CLSTN2: variants seen among roughly 807,000 people sequenced by gnomAD.
The protein encoded by CLSTN2 is calsyntenin-2.
CLSTN2 carries 48 observed loss-of-function variants against 101.2 expected under a neutral mutation model. The ratio of observed to expected loss-of-function variants is 0.47; its 90% confidence interval spans 0.38 to 0.60. CLSTN2 has a LOEUF of 0.60. CLSTN2 is among the 20% of genes least tolerant of loss of function. CLSTN2 has a pLI of 0.00. For missense variants in CLSTN2, 1,160 were observed against 1,238.2 expected (o/e 0.94, Z 0.95); for synonymous variants, 481 against 463.6 (o/e 1.04, Z -0.48).
intron 8 of CLSTN2, chr3:140,506,656 T>C (rs1338423975): frequency 6.7e-6 from 1 of 150,044 alleles, no homozygotes; most frequent in East Asian, 1.9e-4. Flanking sequence ...ACCTACCTCA[T>C]ACCTGGAGAT....
intron 1 of CLSTN2, among the ~76,000 whole-genome samples, chr3:140,133,259 C>G (rs1434114742): frequency 2.0e-5 from 3 of 152,098 alleles, no homozygotes; most frequent in Non-Finnish European, 4.4e-5. Context: ...TAGAGGGGAC[C>G]AAGCCATTCG....
intron 2 of CLSTN2, among the ~76,000 whole-genome samples, chr3:140,376,666 C>T (rs1184192076): frequency 6.6e-6 from 1 of 152,132 alleles, no homozygotes; most frequent in African/African-American, 2.4e-5. Context: ...GAGTTATATC[C>T]TAAATCCCAT....
intron 2 of CLSTN2, among the ~76,000 whole-genome samples, chr3:140,403,123 A>G (rs1471276961): frequency 6.6e-6 from 1 of 152,206 alleles, no homozygotes; most frequent in Non-Finnish European, 1.5e-5. Flanking sequence ...AAGGAGAGAA[A>G]TGCATTAATT....
At chr3:140,469,079 T>C (rs1198044829) in intron 8 of CLSTN2, among the ~76,000 whole-genome samples, 1 of 152,212 alleles carries the variant, frequency 6.6e-6, no homozygotes. Flanking sequence ...GGAGCACTCT[T>C]GTGTGTTTTC....
intron 2 of CLSTN2, among the ~76,000 whole-genome samples, chr3:140,182,994 A>G (rs142525921): frequency 4.3e-4 from 66 of 152,256 alleles, no homozygotes; most frequent in African/African-American, 1.5e-3. Flanking sequence ...AGGAAGGATG[A>G]CAGGTGCAGG....
chr3:140,503,370 C>T (rs1934618686), intron 8 of CLSTN2, among the ~76,000 whole-genome samples: 1 of 152,190 alleles, frequency 6.6e-6, no homozygotes, highest in African/African-American at 2.4e-5. Flanking sequence ...TCTAAATAAA[C>T]ACATACTTAC....
At chr3:140,209,332 A>G (rs1327408504) in intron 2 of CLSTN2, among the ~76,000 whole-genome samples, 1 of 151,956 alleles carries the variant, frequency 6.6e-6, no homozygotes, top group Non-Finnish European at 1.5e-5. Flanking sequence ...GAATGAATGG[A>G]CTCTGATCCC....
intron 2 of CLSTN2, among the ~76,000 whole-genome samples, chr3:140,184,701 A>T (rs1015150869): frequency 2.0e-5 from 3 of 152,178 alleles, no homozygotes; most frequent in African/African-American, 7.2e-5. Flanking sequence ...CAATCATTTC[A>T]TCACAGCTTA....
chr3:139,969,873 C>G (rs1446158971), intron 1 of CLSTN2, among the ~76,000 whole-genome samples: 1 of 152,150 alleles, frequency 6.6e-6, no homozygotes, highest in Non-Finnish European at 1.5e-5. Context: ...CATTGATTCT[C>G]CCCTGTGACA....
At chr3:140,451,315 A>G (rs1043536876) in intron 6 of CLSTN2, among the ~76,000 whole-genome samples, 3 of 152,236 alleles carry the variant, frequency 2.0e-5, no homozygotes, top group Non-Finnish European at 1.5e-5. Flanking sequence ...ACAAAATTGC[A>G]TCTCATATGT....
At chr3:140,556,067 C>T (rs6439933) in intron 10 of CLSTN2, among the ~76,000 whole-genome samples, 3 of 152,080 alleles carry the variant, frequency 2.0e-5, no homozygotes, top group East Asian at 1.9e-4. Flanking sequence ...TAAGAAGATA[C>T]GGCATGGGTC....
At chr3:140,292,864 CT>C (rs1368285841) in intron 2 of CLSTN2, among the ~76,000 whole-genome samples, 1 of 152,228 alleles carries the variant, frequency 6.6e-6, no homozygotes, top group Non-Finnish European at 1.5e-5. Flanking sequence ...CAGCTTTCCA[CT>C]TTGGAAGACT....
chr3:140,515,766 C>T (rs1934906122), intron 8 of CLSTN2, among the ~76,000 whole-genome samples: 4 of 151,998 alleles, frequency 2.6e-5, no homozygotes, highest in Non-Finnish European at 5.9e-5. Context: ...TGTATTGAGA[C>T]TTGTTTTGTG....
At chr3:140,395,052 A>G (rs1400731674) in intron 2 of CLSTN2, among the ~76,000 whole-genome samples, 1 of 152,226 alleles carries the variant, frequency 6.6e-6, no homozygotes, top group Non-Finnish European at 1.5e-5. Flanking sequence ...CACCCAACAA[A>G]TATTGCCAAA....
At chr3:140,402,011 G>C (rs560537147) in intron 2 of CLSTN2, among the ~76,000 whole-genome samples, 1 of 152,110 alleles carries the variant, frequency 6.6e-6, no homozygotes, top group South Asian at 2.1e-4. Flanking sequence ...TTGAGAAATG[G>C]CTAGGAGGGG....
chr3:140,362,663 A>G (rs1036146011), intron 2 of CLSTN2, among the ~76,000 whole-genome samples: 8 of 152,214 alleles, frequency 5.3e-5, no homozygotes, highest in African/African-American at 1.9e-4. Flanking sequence ...ATGTTTGAAT[A>G]GGCATTTCAT....
Position 140,386,772 on chromosome 3 carries a change from T to C in CLSTN2, c.233-16857T>C, listed in dbSNP as rs575780979. On this transcript the variant is annotated intron_variant, in intron 2 of 16. Coordinates refer to ENST00000458420, the MANE Select transcript of CLSTN2 (RefSeq NM_022131.3). Reference sequence around the variant, plus strand: ...CCTGCACAAGAGCCATGTTGAGCCATACCCAAGAGCCAAGGCCTGTGCACA... The same window carrying C: ...CCTGCACAAGAGCCATGTTGAGCCACACCCAAGAGCCAAGGCCTGTGCACA... Among the ~76,000 whole-genome samples, 4 of 152,266 alleles carry C rather than the reference T, an allele frequency of 2.6e-5. No homozygotes were observed. In the East Asian group the frequency reaches 7.7e-4, roughly 29 times the overall value.
chr3:139,960,265 G>A (rs1300262582), intron 1 of CLSTN2, among the ~76,000 whole-genome samples: 1 of 152,194 alleles, frequency 6.6e-6, no homozygotes, highest in African/African-American at 2.4e-5. Flanking sequence ...AGCCAGCTCA[G>A]CATACTATGG....
At chr3:140,381,698 G>A (rs747266368) in intron 2 of CLSTN2, among the ~76,000 whole-genome samples, 1 of 152,218 alleles carries the variant, frequency 6.6e-6, no homozygotes, top group Non-Finnish European at 1.5e-5. Context: ...GGATCTGAGT[G>A]TACCACACCA....
Sources: allele counts gnomAD v4.1 joint callset (sites outside exome capture counted in the v4.1 genomes callset), GRCh38; gene constraint gnomAD v4.1.1; transcripts MANE v1.5; gene names NCBI Gene and HGNC (gene_info 2026-07-23, HGNC 2026-07-21).